The following SEC22A variants were observed in gnomAD, a reference collection of about 807,000 sequenced individuals.
SEC22A encodes the protein SEC22 homolog A, vesicle trafficking protein.
Under a neutral mutation model 35.3 loss-of-function variants are expected in SEC22A, and 22 were observed. The observed-to-expected ratio is 0.62, with a 90% CI of 0.45 to 0.89. The LOEUF is 0.89. Among genes scored for constraint, SEC22A ranks in the 40% least tolerant of loss-of-function variants. The pLI, the probability that SEC22A is intolerant of heterozygous loss-of-function variation, is 0.00. For missense variants in SEC22A, 354 were observed against 362.5 expected, an observed-to-expected ratio of 0.98 and a Z score of 0.19; for synonymous variants, 119 against 129.5, an observed-to-expected ratio of 0.92 and a Z score of 0.55.
intron 2 of SEC22A, among the ~76,000 whole-genome samples, chr3:123,221,369 G>A (rs1422342289): frequency 1.3e-5 from 2 of 150,092 alleles, no homozygotes; most frequent in Non-Finnish European, 3.0e-5. Flanking sequence ...TACTCAGGAG[G>A]CTGAGACAGG....
Position 123,271,648 on chromosome 3 carries a change from A to C in SEC22A, c.850A>C (p.Thr284Pro). 6.2e-7 allele frequency: 1 copy of C among 1,614,166 alleles called. No homozygotes were observed. Among genetic ancestry groups the C allele is most frequent in the Non-Finnish European group, 8.5e-7 (1 of 1,180,028 alleles). ...CCTCTGGCAGCTTTTCTTTCATGTG[A>C]CTGTGGGAGCATTTGTTACACTACA... ...RNLWQLFFHV[T>P]VGAFVTLQIW... Residue 284 changes from threonine to proline, a missense_variant, in exon 7 of 7, where the codon ACT becomes CCT. Physicochemically the swap from Thr to Pro is conservative, Grantham distance 38. Transcript: ENST00000492595.
intron 2 of SEC22A, among the ~76,000 whole-genome samples, chr3:123,219,818 A>C (rs1473572880): frequency 6.6e-6 from 1 of 152,200 alleles, no homozygotes; most frequent in Non-Finnish European, 1.5e-5. Flanking sequence ...CTATTTTATG[A>C]GTAGTCCTCA....
chr3:123,241,002 T>TACACACACACACAC lies in SEC22A; in HGVS notation c.542-4869_542-4856dup, dbSNP rs35775511. Reference sequence around the variant, plus strand: ...AATAGATTTACTAATCTCTCTTTCTTACACACACACACACACACACACACA... The same window carrying TACACACACACACAC: ...AATAGATTTACTAATCTCTCTTTCTTACACACACACACACACACACACACACACACACACACACA... On this transcript the variant is annotated intron_variant, in intron 4 of 6. Coordinates refer to ENST00000492595, the MANE Select transcript of SEC22A (RefSeq NM_012430.5). Among the ~76,000 whole-genome samples, 402 of 142,662 alleles carry TACACACACACACAC rather than the reference T, an allele frequency of 2.8e-3. 3 individuals are homozygous for TACACACACACACAC. Among genetic ancestry groups the TACACACACACACAC allele is most frequent in the East Asian group, 0.027 (126 of 4,610 alleles). 93.6% of individuals were successfully genotyped at this position (142,662 alleles called of 152,430 possible). A position where few individuals can be genotyped will look rare whatever the true frequency, so the allele number is the denominator to read the frequency against.
chr3:123,218,868 A>G (rs1365819773), intron 2 of SEC22A, among the ~76,000 whole-genome samples: 1 of 152,188 alleles, frequency 6.6e-6, no homozygotes, highest in Non-Finnish European at 1.5e-5. Context: ...AAAATATTCT[A>G]AGTGCTAAGA....
At chr3:123,260,033 G>A (rs1937844636) in intron 6 of SEC22A, among the ~76,000 whole-genome samples, 1 of 149,702 alleles carries the variant, frequency 6.7e-6, no homozygotes. Context: ...TTGGGAGGCT[G>A]AGACAGGAGA....
At chr3:123,231,557 A>C (rs537342333) in intron 4 of SEC22A, among the ~76,000 whole-genome samples, 39 of 152,350 alleles carry the variant, frequency 2.6e-4, no homozygotes, top group African/African-American at 8.9e-4. Flanking sequence ...GAAGTTAGAC[A>C]GTACATTCCT....
At position 123,225,137 on chromosome 3, in the gene SEC22A, T is replaced by A. The variant is rs749491386; in HGVS notation, c.381T>A (p.Asn127Lys). The A allele has an allele frequency of 6.2e-7, 1 of 1,612,198 alleles. No homozygotes were observed. The highest frequency in any genetic ancestry group is 1.1e-5 in the South Asian group (1 of 90,768). ...NFIQRTKQRY[N>K]NPRSLSTKIN... The stretch of plus-strand genomic sequence containing the variant: ...TTCAGAGGACCAAGCAGCGATATAA[T>A]AATCCCAGGTCTCTTTCAACAAAGA... Residue 127 changes from asparagine to lysine, a missense_variant, in exon 4 of 7, where the codon AAT becomes AAA. Physicochemically the swap from Asn to Lys is moderately conservative, Grantham distance 94. Coordinates refer to ENST00000492595, the MANE Select transcript of SEC22A (RefSeq NM_012430.5).
intron 4 of SEC22A, among the ~76,000 whole-genome samples, chr3:123,235,141 C>T (rs966793172): frequency 1.3e-5 from 2 of 152,178 alleles, no homozygotes; most frequent in Non-Finnish European, 2.9e-5. Flanking sequence ...AATCCTCCCA[C>T]CTCAGGCTCT....
chr3:123,239,167 T>G (rs1937480490), intron 4 of SEC22A, among the ~76,000 whole-genome samples: 1 of 152,166 alleles, frequency 6.6e-6, no homozygotes, highest in African/African-American at 2.4e-5. Context: ...AGGAGATGAC[T>G]GTCATAGAAA....
At chr3:123,263,859 T>A (rs1375977669) in intron 6 of SEC22A, among the ~76,000 whole-genome samples, 1 of 152,124 alleles carries the variant, frequency 6.6e-6, no homozygotes, top group Non-Finnish European at 1.5e-5. Context: ...ATCAATTATT[T>A]GTTGCTTTTT....
intron 5 of SEC22A, among the ~76,000 whole-genome samples, chr3:123,259,084 A>G (rs1937816814): frequency 6.6e-6 from 1 of 152,162 alleles, no homozygotes; most frequent in Non-Finnish European, 1.5e-5. Flanking sequence ...ATCATATCAA[A>G]TTACTTTATT....
intron 5 of SEC22A, among the ~76,000 whole-genome samples, chr3:123,258,010 G>GAAAAAAAAAAAAAA (rs1937780375): frequency 8.0e-6 from 1 of 124,658 alleles, no homozygotes; most frequent in Non-Finnish European, 1.8e-5. Context: ...AAAAAAAAAG[G>GAAAAAAAAAAAAAA]AAGGAAGGAA....
chr3:123,214,056 G>A (rs926320497), intron 2 of SEC22A, among the ~76,000 whole-genome samples: 25 of 152,046 alleles, frequency 1.6e-4, no homozygotes, highest in Non-Finnish European at 2.9e-4. Flanking sequence ...AAAGCCGGGT[G>A]TGGTGATGGA....
intron 4 of SEC22A, among the ~76,000 whole-genome samples, chr3:123,237,836 G>C (rs1273498674): frequency 1.3e-5 from 2 of 151,130 alleles, no homozygotes; most frequent in Admixed American, 1.3e-4. Context: ...AAAATGGGGA[G>C]AGTCTGGTAT....
chr3:123,240,859 G>C (rs1937513791), intron 4 of SEC22A, among the ~76,000 whole-genome samples: 1 of 151,572 alleles, frequency 6.6e-6, no homozygotes, highest in East Asian at 1.9e-4. Flanking sequence ...TAAACTGATA[G>C]AAACACTTCT....
chr3:123,265,298 A>G (rs1559765330), intron 6 of SEC22A, among the ~76,000 whole-genome samples: 4 of 152,192 alleles, frequency 2.6e-5, no homozygotes, highest in East Asian at 3.9e-4. Context: ...CCTGAAACCA[A>G]TCCCCTATGG....
At position 123,238,782 on chromosome 3, in the gene SEC22A, T is replaced by TTATC. The variant is rs1414466533; in HGVS notation, c.542-7115_542-7112dup. Among the ~76,000 whole-genome samples the TTATC allele has an allele frequency of 4.6e-5, 7 of 152,322 alleles. No individual in the cohort carries two copies. In the South Asian group the frequency reaches 1.2e-3, roughly 27 times the overall value. On this transcript the variant is annotated intron_variant, in intron 4 of 6. Coordinates refer to ENST00000492595, the MANE Select transcript of SEC22A (RefSeq NM_012430.5). ...TCCCCACAGTCTGGCATGAATGTTT[T>TTATC]TATCTTGCCATACTTATTTTCTGAA...
chr3:123,223,376 A>G (rs2108046770), intron 2 of SEC22A, among the ~76,000 whole-genome samples, 183 bp from the exon 3 acceptor site: 1 of 152,260 alleles, frequency 6.6e-6, no homozygotes, highest in East Asian at 1.9e-4. Context: ...CTGTTTTTAA[A>G]CCACAACTTA....
intron 4 of SEC22A, among the ~76,000 whole-genome samples, chr3:123,243,112 C>G (rs925853946): frequency 1.4e-4 from 22 of 152,104 alleles, no homozygotes; most frequent in African/African-American, 5.1e-4. Flanking sequence ...TGAGCCAAAC[C>G]AAACCACTAG....
Sources: allele counts gnomAD v4.1 joint callset (sites outside exome capture counted in the v4.1 genomes callset), GRCh38; gene constraint gnomAD v4.1.1; transcripts MANE v1.5; gene names NCBI Gene and HGNC (gene_info 2026-07-23, HGNC 2026-07-21).